The following PET117 variants were observed in gnomAD, a reference collection of about 807,000 sequenced individuals.
The protein encoded by PET117 is protein PET117 homolog, mitochondrial.
PET117 carries 10 observed loss-of-function variants against 9.2 expected under a neutral mutation model. The ratio of observed to expected loss-of-function variants is 1.09; its 90% confidence interval spans 0.67 to 1.85. The LOEUF (loss-of-function observed/expected upper bound fraction) is 1.85. PET117 is among the 40% of genes most tolerant of loss of function. The pLI is 0.00. For synonymous variants in PET117, 43 were observed against 37.1 expected, an observed-to-expected ratio of 1.16 and a Z score of -0.57; for missense variants, 96 against 98.2, an observed-to-expected ratio of 0.98 and a Z score of 0.09.
At chr20:18,138,130 G>T (rs1176185745) in intron 1 of PET117, 79 bp downstream of exon 1, 6 of 1,383,084 alleles carry the variant, frequency 4.3e-6, no homozygotes, top group African/African-American at 1.5e-5. Context: ...CTGCCCGCTC[G>T]GTTCCTCAGC....
intron 1 of PET117, among the ~76,000 whole-genome samples, chr20:18,141,378 T>A (rs1221918115): frequency 6.6e-6 from 1 of 152,150 alleles, no homozygotes; most frequent in Non-Finnish European, 1.5e-5. Context: ...TTCTTTTTCT[T>A]CTTTCTCTGT....
In PET117 at chr20:18,138,342, C is replaced by G. The variant is rs190452502; in HGVS notation, c.96+291C>G. 1,195 of 1,109,342 alleles carry G rather than the reference C, an allele frequency of 1.1e-3. 12 individuals are homozygous for G. The African/African-American group carries it at 0.017, about 16-fold the overall frequency. The allele number at this position is 1,109,342 out of a possible 1,614,324, so 68.7% of individuals were successfully genotyped here. On this transcript the variant is annotated intron_variant, in intron 1 of 1. Coordinates refer to ENST00000432901, the MANE Select transcript of PET117 (RefSeq NM_001164811.2). ...GGGGCCTTGCTCCGCACAGGCACGGCACGCAAGCTTTTGGGGTGCCCAGTG... is the reference window on the plus strand; with the variant it reads ...GGGGCCTTGCTCCGCACAGGCACGGGACGCAAGCTTTTGGGGTGCCCAGTG...
rs1430828376 is a variant in PET117, at chr20:18,137,938, G to A, written c.-18G>A. The A allele has an allele frequency of 6.8e-7, 1 of 1,478,540 alleles. No individual in the cohort carries two copies. Among genetic ancestry groups the A allele is most frequent in the Non-Finnish European group, 8.9e-7 (1 of 1,122,538 alleles). 91.6% of individuals were successfully genotyped at this position (1,478,540 alleles called of 1,614,324 possible). A position where few individuals can be genotyped will look rare whatever the true frequency, so the allele number is the denominator to read the frequency against. ...CTCGGGCGGGCGGGAGAGAGAGGCC[G>A]CGGCCGCCAGCGTGGGGATGTCTAG... On this transcript the variant is annotated 5_prime_UTR_variant, in exon 1 of 2. Coordinates refer to ENST00000432901, the MANE Select transcript of PET117 (RefSeq NM_001164811.2).
intron 1 of PET117, 75 bp downstream of exon 1, chr20:18,138,126 G>A: frequency 7.2e-7 from 1 of 1,386,744 alleles, no homozygotes; most frequent in Non-Finnish European, 9.3e-7. Flanking sequence ...GTCTCTGCCC[G>A]CTCGGTTCCT....
chr20:18,138,104 G>A (rs772700708), intron 1 of PET117, 53 bp downstream of exon 1: 6 of 1,427,378 alleles, frequency 4.2e-6, no homozygotes, highest in Middle Eastern at 1.8e-4. Context: ...CGTCGACCTG[G>A]GGCCTCTCGT....
chr20:18,141,352 G>A (rs908281203), intron 1 of PET117, among the ~76,000 whole-genome samples: 2 of 151,802 alleles, frequency 1.3e-5, no homozygotes, highest in Non-Finnish European at 2.9e-5. Context: ...TATTTTTTCC[G>A]CTGGTAGTAG....
intron 1 of PET117, among the ~76,000 whole-genome samples, chr20:18,139,658 GTGTGTGTGTGTGTGTGTT>G (rs929423280): frequency 5.7e-4 from 83 of 145,750 alleles, no homozygotes; most frequent in East Asian, 2.6e-3. Flanking sequence ...GTGTGTGTGT[GTGTGTGTGTGTGTGTGTT>G]TATTTTTTTT....
In PET117 at chr20:18,143,092, A is replaced by C; in HGVS notation, c.*735A>C. The C allele has an allele frequency of 7.1e-7, 1 of 1,399,988 alleles. No homozygotes were observed. Among genetic ancestry groups the C allele is most frequent in the Non-Finnish European group, 9.3e-7 (1 of 1,075,564 alleles). 86.7% of individuals were successfully genotyped at this position (1,399,988 alleles called of 1,614,324 possible). A position where few individuals can be genotyped will look rare whatever the true frequency, so the allele number is the denominator to read the frequency against. On this transcript the variant is annotated 3_prime_UTR_variant, in exon 2 of 2. Transcript: ENST00000432901. ...AAACATAGGCATGTTTGTACTAATG[A>C]AACGTACTGTCAACCTCTATCACAT...
rs114882072 is a variant in PET117 at position 18,143,064 on chromosome 20, A to G, written c.*707A>G. 853 of 1,427,860 alleles carry G rather than the reference A, an allele frequency of 6.0e-4. 9 individuals carry two copies. The African/African-American group carries it at 0.012, about 19-fold the overall frequency. The allele number at this position is 1,427,860 out of a possible 1,614,324, so 88.4% of individuals were successfully genotyped here. A position where few individuals can be genotyped will look rare whatever the true frequency, so the allele number is the denominator to read the frequency against. On this transcript the variant is annotated 3_prime_UTR_variant, in exon 2 of 2. Transcript: ENST00000432901. ...TCTAGTTGATCAGCTATAAATTTAT[A>G]TAAAACATAGGCATGTTTGTACTAA...
chr20:18,142,798 A>T lies in PET117; in HGVS notation c.*441A>T. 6.2e-7 allele frequency: 1 copy of T among 1,614,236 alleles called. No individual in the cohort carries two copies. Among genetic ancestry groups the T allele is most frequent in the South Asian group, 1.1e-5 (1 of 91,086 alleles). ...TGATCGTCGAATCCGAGGATCAGGC[A>T]TCAGTGGACTTATCGCACGACCAGA... On this transcript the variant is annotated 3_prime_UTR_variant, in exon 2 of 2. Coordinates refer to ENST00000432901, the MANE Select transcript of PET117 (RefSeq NM_001164811.2).
intron 1 of PET117, among the ~76,000 whole-genome samples, chr20:18,141,774 C>T (rs1462292354): frequency 1.3e-5 from 2 of 152,098 alleles, no homozygotes; most frequent in Non-Finnish European, 2.9e-5. Flanking sequence ...GTCTCAGCTA[C>T]TCGGGAGGCT....
Position 18,142,212 on chromosome 20 carries a change from T to A in PET117, c.101T>A (p.Leu34His). 2 of 1,536,950 alleles carry A rather than the reference T, an allele frequency of 1.3e-6. No homozygotes were observed. Among genetic ancestry groups the A allele is most frequent in the Non-Finnish European group, 8.7e-7 (1 of 1,146,722 alleles). Residue 34 changes from leucine to histidine, a missense_variant, in exon 2 of 2, where the codon CTT becomes CAT. Physicochemically the swap from Leu to His is moderately conservative, Grantham distance 99. Coordinates refer to ENST00000432901, the MANE Select transcript of PET117 (RefSeq NM_001164811.2). ...HVKQQWDQQR[L>H]RDGVIRDIER... ...ATCTGTTTCTTACGTTTTTAGAGGC[T>A]TCGTGACGGAGTTATCAGAGACATT...
In PET117 at chr20:18,142,210, G is replaced by C; in HGVS notation, c.99G>C (p.Arg33Ser). The C allele has an allele frequency of 6.5e-6, 10 of 1,536,638 alleles. No individual in the cohort carries two copies. The highest frequency in any genetic ancestry group is 8.7e-6 in the Non-Finnish European group (10 of 1,146,578). ...VHVKQQWDQQ[R>S]LRDGVIRDIE... ...AAATCTGTTTCTTACGTTTTTAGAG[G>C]CTTCGTGACGGAGTTATCAGAGACA... Residue 33 changes from arginine (R) to serine (S), a missense_variant and splice_region_variant, in exon 2 of 2, where the codon AGG (arginine) becomes AGC (serine). Arg to Ser is a moderately radical substitution (Grantham distance 110). Coordinates refer to ENST00000432901, the MANE Select transcript of PET117 (RefSeq NM_001164811.2).
chr20:18,140,914 G>A (rs915400634), intron 1 of PET117, among the ~76,000 whole-genome samples: 3 of 149,268 alleles, frequency 2.0e-5, no homozygotes, highest in Non-Finnish European at 3.0e-5. Context: ...TGGGAGTGAA[G>A]TGGCACAATC....
chr20:18,138,100 C>T (rs574756111), intron 1 of PET117, 49 bp downstream of exon 1: 3 of 1,427,816 alleles, frequency 2.1e-6, no homozygotes, highest in Non-Finnish European at 2.7e-6. Flanking sequence ...GCGGCGTCGA[C>T]CTGGGGCCTC....
At position 18,142,916 on chromosome 20, in the gene PET117, G is replaced by A. The variant is rs150368810; in HGVS notation, c.*559G>A. 1.2e-6 allele frequency: 2 copies of A among 1,613,460 alleles called. No homozygotes were observed. Among genetic ancestry groups the A allele is most frequent in the Admixed American group, 1.7e-5 (1 of 59,992 alleles). On this transcript the variant is annotated 3_prime_UTR_variant, in exon 2 of 2. Coordinates refer to ENST00000432901, the MANE Select transcript of PET117 (RefSeq NM_001164811.2). Reference sequence around the variant, plus strand: ...TGACAAGTGCCAAAAATGGATACCAGCCAGTAAGGAGCTTCTCAATTCCTT... The same window carrying A: ...TGACAAGTGCCAAAAATGGATACCAACCAGTAAGGAGCTTCTCAATTCCTT...
At position 18,142,235 on chromosome 20, in the gene PET117, A is replaced by G. The variant is rs1261717503; in HGVS notation, c.124A>G (p.Ile42Val). The G allele has an allele frequency of 5.9e-6, 9 of 1,537,134 alleles. No homozygotes were observed. The highest frequency in any genetic ancestry group is 1.4e-5 in the African/African-American group (1 of 73,056). Reference sequence around the variant, plus strand: ...GCTTCGTGACGGAGTTATCAGAGACATTGAGAGGCAAATTCGGAAAAAAGA... The same window carrying G: ...GCTTCGTGACGGAGTTATCAGAGACGTTGAGAGGCAAATTCGGAAAAAAGA... ...QRLRDGVIRD[I>V]ERQIRKKENI... Residue 42 changes from isoleucine (I) to valine (V), a missense_variant, in exon 2 of 2, where the codon ATT becomes GTT. Physicochemically the swap from Ile to Val is conservative, Grantham distance 29 (BLOSUM62 3). Transcript: ENST00000432901.
In PET117 at chr20:18,138,914, G is replaced by A. The variant is rs1275456348; in HGVS notation, c.96+863G>A. ...TATCAGTGATTCACGACCTTGCTGA[G>A]AACAGGGTCATTGGTGAATTTTCAG... On this transcript the variant is annotated intron_variant, in intron 1 of 1. Transcript: ENST00000432901. Among the ~76,000 whole-genome samples, 3 of 152,336 alleles carry A rather than the reference G, an allele frequency of 2.0e-5. No homozygotes were observed. In the East Asian group the frequency reaches 5.8e-4, roughly 29 times the overall value.
intron 1 of PET117, among the ~76,000 whole-genome samples, chr20:18,138,764 C>T (rs535625488): frequency 1.3e-5 from 2 of 152,092 alleles, no homozygotes; most frequent in Non-Finnish European, 2.9e-5. Flanking sequence ...CTATTCTGTC[C>T]TCTCAGTTCA....
Sources: gnomAD v4.1 joint callset for allele counts (sites outside exome capture counted in the v4.1 genomes callset) on GRCh38, gnomAD v4.1.1 for gene constraint, MANE v1.5 for transcripts, NCBI Gene and HGNC (gene_info 2026-07-23, HGNC 2026-07-21) for gene names.